Variants in FBXW8 observed in about 807,000 individuals in gnomAD.
FBXW8 encodes the protein F-box/WD repeat-containing protein 8.
In FBXW8, 57 loss-of-function variants were observed where a neutral mutation model predicts 65.3. The observed-to-expected ratio is 0.87, with a 90% CI of 0.71 to 1.09. FBXW8 has a LOEUF of 1.09. FBXW8 is among the 50% of genes least tolerant of loss of function. The pLI is 0.00. For missense variants in FBXW8, 777 were observed against 814.8 expected, an observed-to-expected ratio of 0.95 and a Z score of 0.57; for synonymous variants, 308 against 330.2, an observed-to-expected ratio of 0.93 and a Z score of 0.73.
intron 3 of FBXW8, among the ~76,000 whole-genome samples, chr12:116,948,330 G>T (rs1883061761): frequency 6.6e-6 from 1 of 152,090 alleles, no homozygotes; most frequent in African/African-American, 2.4e-5. Context: ...CTGACTCCCA[G>T]ATCCTTGCCT....
At chr12:116,986,799 C>G (rs1885722161) in intron 6 of FBXW8, 1 of 152,206 alleles carries the variant, frequency 6.6e-6, no homozygotes, top group Non-Finnish European at 1.5e-5. Context: ...TAGTTTACAG[C>G]CCCCAGCAAA....
intron 4 of FBXW8, among the ~76,000 whole-genome samples, chr12:116,959,084 C>T (rs145025548): frequency 2.8e-4 from 43 of 152,246 alleles, no homozygotes; most frequent in African/African-American, 9.6e-4. Flanking sequence ...GTCTTGCTAA[C>T]GGTTCCATAT....
intron 2 of FBXW8, among the ~76,000 whole-genome samples, chr12:116,942,770 A>ATTTTTTTT (rs71099022): frequency 1.1e-4 from 7 of 64,358 alleles, no homozygotes; most frequent in African/African-American, 4.4e-4. Flanking sequence ...CAGAGCTTCT[A>ATTTTTTTT]TTTTTTTTTT....
chr12:116,976,575 C>T (rs1377601257), intron 5 of FBXW8, among the ~76,000 whole-genome samples: 2 of 150,764 alleles, frequency 1.3e-5, no homozygotes, highest in Non-Finnish European at 2.9e-5. Context: ...TCTGCCTCAG[C>T]CTCCTGAGTA....
At chr12:117,025,669 C>G (rs1363422468) in intron 9 of FBXW8, among the ~76,000 whole-genome samples, 1 of 152,212 alleles carries the variant, frequency 6.6e-6, no homozygotes, top group East Asian at 1.9e-4. Context: ...GTGGCTGTGC[C>G]TGTTGAGGGC....
chr12:116,921,846 T>C (rs993648922), intron 1 of FBXW8, among the ~76,000 whole-genome samples: 1 of 144,798 alleles, frequency 6.9e-6, no homozygotes, highest in African/African-American at 2.7e-5. Flanking sequence ...TTTTTTTTTT[T>C]AGACAGGCTC....
chr12:117,027,100 CAGTAGGGTGTGCCCTTTATGTCTGG>C (rs1189589418), intron 9 of FBXW8, among the ~76,000 whole-genome samples: 1 of 152,166 alleles, frequency 6.6e-6, no homozygotes, highest in Non-Finnish European at 1.5e-5. Flanking sequence ...GATTCGTCTG[CAGTAGGGTGTGCCCTTTATGTCTGG>C]AATGTACCAG....
At chr12:117,023,869 T>C (rs1954159040) in intron 8 of FBXW8, among the ~76,000 whole-genome samples, 1 of 152,240 alleles carries the variant, frequency 6.6e-6, no homozygotes, top group African/African-American at 2.4e-5. Context: ...CATGCAGTCA[T>C]GCAGGTGGCT....
chr12:116,949,488 T>C (rs2137355432), intron 3 of FBXW8, 130 bp from the exon 4 acceptor site: 1 of 757,196 alleles, frequency 1.3e-6, no homozygotes, highest in Non-Finnish European at 2.3e-6. Flanking sequence ...TGAATGCCCA[T>C]GGAACTTTGA....
intron 4 of FBXW8, among the ~76,000 whole-genome samples, chr12:116,956,839 G>A (rs1250783114): frequency 1.3e-5 from 2 of 151,660 alleles, no homozygotes; most frequent in Non-Finnish European, 2.9e-5. Flanking sequence ...ATGGTGACAC[G>A]TGCCTGTAAT....
chr12:116,945,305 A>T, intron 2 of FBXW8, 59 bp from the exon 3 acceptor site: 1 of 1,547,528 alleles, frequency 6.5e-7, no homozygotes, highest in Non-Finnish European at 8.8e-7. Flanking sequence ...TGATTTTTGG[A>T]TGACAAGGGG....
chr12:117,024,077 G>T, intron 8 of FBXW8, 70 bp from the exon 9 acceptor site: 1 of 1,528,306 alleles, frequency 6.5e-7, no homozygotes, highest in South Asian at 1.2e-5. Context: ...CACCGTGGAG[G>T]GGGAGTTTGT....
At chr12:117,010,227 A>G (rs1953770073) in intron 7 of FBXW8, 96 bp from the exon 8 acceptor site, 2 of 1,559,772 alleles carry the variant, frequency 1.3e-6, no homozygotes, top group Non-Finnish European at 8.7e-7. Flanking sequence ...GAGCTCAGTG[A>G]TAAGGATCAT....
intron 6 of FBXW8, among the ~76,000 whole-genome samples, chr12:116,987,603 A>G (rs997820152): frequency 9.2e-5 from 14 of 152,206 alleles, no homozygotes; most frequent in Admixed American, 2.0e-4. Context: ...TCACTTGGAT[A>G]TTTTTAACCT....
chr12:116,970,095 A>T (rs1884560843), intron 5 of FBXW8, among the ~76,000 whole-genome samples: 1 of 152,240 alleles, frequency 6.6e-6, no homozygotes, highest in Non-Finnish European at 1.5e-5. Flanking sequence ...CCAGGACTCC[A>T]TCTGCTCCGT....
Position 117,000,717 on chromosome 12 carries a change from G to A in FBXW8, c.1240-9606G>A, listed in dbSNP as rs150724702. Among the ~76,000 whole-genome samples the A allele has an allele frequency of 5.9e-3, 895 of 152,294 alleles. 26 individuals carry two copies. Among genetic ancestry groups the A allele is most frequent in the Admixed American group, 0.049 (750 of 15,300 alleles). ...CTGGGCAAGAGGTTTGAGCTCCTTA[G>A]GGCCCCATATTCTCCTGTGTAAAGG... On this transcript the variant is annotated intron_variant, in intron 7 of 10. Coordinates refer to ENST00000652555, the MANE Select transcript of FBXW8 (RefSeq NM_153348.3).
chr12:116,910,968 T>A lies in FBXW8; in HGVS notation c.-70T>A. On this transcript the variant is annotated 5_prime_UTR_variant, in exon 1 of 11. Coordinates refer to ENST00000652555, the MANE Select transcript of FBXW8 (RefSeq NM_153348.3). ...GCGGCTTCCGGCCGCGGCGGACACTTCCCTGGGCGGGACTGTCTCGTGGCA... is the reference window on the plus strand; with the variant it reads ...GCGGCTTCCGGCCGCGGCGGACACTACCCTGGGCGGGACTGTCTCGTGGCA... 1 of 1,284,482 alleles carries A rather than the reference T, an allele frequency of 7.8e-7. No homozygotes were observed. The highest frequency in any genetic ancestry group is 3.2e-5 in the East Asian group (1 of 31,534). The allele number at this position is 1,284,482 out of a possible 1,614,324, so 79.6% of individuals were successfully genotyped here. A position where few individuals can be genotyped will look rare whatever the true frequency, so the allele number is the denominator to read the frequency against.
chr12:116,981,326 G>A (rs1011603181), intron 5 of FBXW8, among the ~76,000 whole-genome samples: 16 of 152,216 alleles, frequency 1.1e-4, no homozygotes, highest in African/African-American at 3.9e-4. Context: ...CAACAATACA[G>A]TTCAAAGGGA....
intron 5 of FBXW8, among the ~76,000 whole-genome samples, chr12:116,976,613 A>T: frequency 7.3e-6 from 1 of 137,818 alleles, no homozygotes. Flanking sequence ...GCACCACCAC[A>T]CCGGCTAATT....
Sources: allele counts gnomAD v4.1 joint callset (sites outside exome capture counted in the v4.1 genomes callset), GRCh38; gene constraint gnomAD v4.1.1; transcripts MANE v1.5; gene names NCBI Gene and HGNC (gene_info 2026-07-23, HGNC 2026-07-21).